PTPRD: variants seen among roughly 807,000 people sequenced by gnomAD.
PTPRD encodes receptor-type tyrosine-protein phosphatase delta.
PTPRD carries 34 observed loss-of-function variants against 214.5 expected under a neutral mutation model. The observed-to-expected ratio is 0.16, with a 90% confidence interval of 0.12 to 0.21. PTPRD has a LOEUF of 0.21. Among genes scored for constraint, PTPRD ranks in the 10% least tolerant of loss-of-function variants. PTPRD has a pLI of 1.00. For missense variants in PTPRD, 2,545 were observed against 2,398.7 expected (o/e 1.06, Z -1.27); for synonymous variants, 1,128 against 845.7 (o/e 1.33, Z -5.79).
At chr9:9,184,607 T>G (rs1454771498) in intron 9 of PTPRD, among the ~76,000 whole-genome samples, 1 of 152,032 alleles carries the variant, frequency 6.6e-6, no homozygotes, top group Non-Finnish European at 1.5e-5. Context: ...AGAATTAAAT[T>G]TCTCTTCTTT....
intron 8 of PTPRD, among the ~76,000 whole-genome samples, chr9:9,519,583 G>GATGA (rs1360236859): frequency 6.6e-6 from 1 of 151,916 alleles, no homozygotes; most frequent in Non-Finnish European, 1.5e-5. Flanking sequence ...CAAAAAGTTG[G>GATGA]ATGAAATAAA....
intron 11 of PTPRD, among the ~76,000 whole-genome samples, chr9:8,877,904 G>C (rs1273794828): frequency 6.6e-6 from 1 of 152,086 alleles, no homozygotes; most frequent in Non-Finnish European, 1.5e-5. Context: ...AAATCGAGGT[G>C]TCTATGGGCA....
At chr9:9,992,069 G>T (rs916568297) in intron 4 of PTPRD, among the ~76,000 whole-genome samples, 1 of 152,156 alleles carries the variant, frequency 6.6e-6, no homozygotes, top group Non-Finnish European at 1.5e-5. Context: ...AAGTAGATTC[G>T]TGATTGTCTA....
intron 5 of PTPRD, among the ~76,000 whole-genome samples, chr9:9,844,933 T>C (rs2059132586): frequency 6.6e-6 from 1 of 151,192 alleles, no homozygotes; most frequent in South Asian, 2.1e-4. Flanking sequence ...AGACATTGTG[T>C]TATAACTTGG....
chr9:8,608,738 C>A (rs182539587), intron 14 of PTPRD, among the ~76,000 whole-genome samples: 5 of 151,846 alleles, frequency 3.3e-5, no homozygotes, highest in Non-Finnish European at 7.4e-5. Flanking sequence ...TGAAAATGCA[C>A]CGAAAAAAAT....
rs934746382 is a variant in PTPRD at position 10,326,004 on chromosome 9, T to C, written c.-545+14959A>G. On this transcript the variant is annotated intron_variant, in intron 3 of 45. Transcript: ENST00000381196. Reference sequence around the variant, plus strand: ...ATTGAGAAATATATCTGAGCAAGTATCTAAAAAGATATGTTTGTCCAAACC... The same window carrying C: ...ATTGAGAAATATATCTGAGCAAGTACCTAAAAAGATATGTTTGTCCAAACC... Among the ~76,000 whole-genome samples, 4 of 151,972 alleles carry C rather than the reference T, an allele frequency of 2.6e-5. No individual in the cohort carries two copies. The South Asian group carries it at 6.2e-4, about 24-fold the overall frequency.
At chr9:10,193,119 C>T (rs1593711495) in intron 3 of PTPRD, among the ~76,000 whole-genome samples, 2 of 152,164 alleles carry the variant, frequency 1.3e-5, no homozygotes, top group East Asian at 3.9e-4. Flanking sequence ...TTTCCCATTC[C>T]CTCCTTTATC....
intron 19 of PTPRD, among the ~76,000 whole-genome samples, chr9:8,522,749 C>G (rs1423591183): frequency 1.3e-5 from 2 of 152,128 alleles, no homozygotes; most frequent in African/African-American, 4.8e-5. Context: ...TTGGTTTCAT[C>G]TGGGGCTTTT....
intron 11 of PTPRD, among the ~76,000 whole-genome samples, chr9:8,914,122 C>G (rs1436861642): frequency 6.6e-6 from 1 of 152,080 alleles, no homozygotes; most frequent in Non-Finnish European, 1.5e-5. Context: ...AGTGGCATGT[C>G]TAGGGATTTG....
chr9:9,638,430 T>A (rs1374733742), intron 7 of PTPRD, among the ~76,000 whole-genome samples: 2 of 152,226 alleles, frequency 1.3e-5, no homozygotes, highest in African/African-American at 4.8e-5. Context: ...GAATGACCAT[T>A]TATCCAGTTT....
At chr9:10,381,981 T>C (rs750658251) in intron 2 of PTPRD, among the ~76,000 whole-genome samples, 5 of 152,078 alleles carry the variant, frequency 3.3e-5, no homozygotes, top group Admixed American at 6.6e-5. Flanking sequence ...CAGAGAATAG[T>C]TCTACCATCT....
chr9:8,892,557 G>GTA (rs1159821328), intron 11 of PTPRD, among the ~76,000 whole-genome samples: 2 of 147,576 alleles, frequency 1.4e-5, no homozygotes, highest in African/African-American at 4.9e-5. Flanking sequence ...ATATATGTGT[G>GTA]TATATATGTG....
At chr9:8,599,341 G>C (rs942695887) in intron 14 of PTPRD, among the ~76,000 whole-genome samples, 3 of 151,970 alleles carry the variant, frequency 2.0e-5, no homozygotes, top group Non-Finnish European at 4.4e-5. Context: ...AACTGTCTAT[G>C]GCCATATCTG....
chr9:8,917,049 T>C (rs900880455), intron 11 of PTPRD, among the ~76,000 whole-genome samples: 1 of 149,056 alleles, frequency 6.7e-6, no homozygotes, highest in Non-Finnish European at 1.5e-5. Flanking sequence ...TTTGACATTT[T>C]CTTTCTTTTT....
chr9:10,421,629 C>G (rs537991635), intron 2 of PTPRD, among the ~76,000 whole-genome samples: 118 of 151,922 alleles, frequency 7.8e-4, no homozygotes, highest in African/African-American at 2.7e-3. Flanking sequence ...GCATTGCATA[C>G]CATATATCAA....
chr9:9,417,205 G>A (rs1282259885), intron 8 of PTPRD, among the ~76,000 whole-genome samples: 3 of 152,070 alleles, frequency 2.0e-5, no homozygotes, highest in Admixed American at 2.0e-4. Flanking sequence ...AAGGCATTTA[G>A]GGAAAGCTGT....
intron 4 of PTPRD, among the ~76,000 whole-genome samples, chr9:9,969,208 T>C (rs1215441459): frequency 6.6e-6 from 1 of 152,070 alleles, no homozygotes; most frequent in African/African-American, 2.4e-5. Context: ...GATCAAAGAA[T>C]TACACATCTG....
chr9:10,086,260 T>TA (rs1160222955), intron 3 of PTPRD, among the ~76,000 whole-genome samples: 1 of 151,738 alleles, frequency 6.6e-6, no homozygotes, highest in Non-Finnish European at 1.5e-5. Context: ...TGATCCTCCA[T>TA]AAAAAATAGT....
chr9:8,890,913 A>G (rs903269926), intron 11 of PTPRD, among the ~76,000 whole-genome samples: 1 of 152,206 alleles, frequency 6.6e-6, no homozygotes, highest in African/African-American at 2.4e-5. Context: ...GGAAATGGGC[A>G]AAAGAGGCCT....
Sources: allele counts gnomAD v4.1 joint callset (sites outside exome capture counted in the v4.1 genomes callset), GRCh38; gene constraint gnomAD v4.1.1; transcripts MANE v1.5; gene names NCBI Gene and HGNC (gene_info 2026-07-23, HGNC 2026-07-21).